Variants in PTPRK observed in about 807,000 individuals in gnomAD.
PTPRK encodes the protein receptor-type tyrosine-protein phosphatase kappa.
Under a neutral mutation model 178.0 loss-of-function variants are expected in PTPRK, and 75 were observed. The observed-to-expected ratio is 0.42, with a 90% CI of 0.35 to 0.51. The LOEUF (loss-of-function observed/expected upper bound fraction) is 0.51, where lower values mean the gene tolerates loss of function less well. Among genes scored for constraint, PTPRK ranks in the 20% least tolerant of loss-of-function variants. The pLI is 0.02. For synonymous variants in PTPRK, 637 were observed against 620.6 expected (o/e 1.03, Z -0.39); for missense variants, 1,441 against 1,797.8 (o/e 0.80, Z 3.59).
At chr6:128,049,596 A>C (rs1423002865) in intron 13 of PTPRK, among the ~76,000 whole-genome samples, 1 of 152,096 alleles carries the variant, frequency 6.6e-6, no homozygotes, top group Non-Finnish European at 1.5e-5. Flanking sequence ...TGGATAAAGC[A>C]TATTTCTAGT....
intron 13 of PTPRK, among the ~76,000 whole-genome samples, chr6:128,048,244 C>G (rs1416923731): frequency 6.6e-6 from 1 of 152,138 alleles, no homozygotes; most frequent in African/African-American, 2.4e-5. Flanking sequence ...GGGCCTCTTT[C>G]CAGGCCCAGT....
intron 1 of PTPRK, among the ~76,000 whole-genome samples, chr6:128,415,040 C>T (rs901042199): frequency 2.0e-5 from 3 of 152,128 alleles, no homozygotes; most frequent in African/African-American, 7.2e-5. Flanking sequence ...GATTCCAAAG[C>T]TTGTATACTT....
intron 7 of PTPRK, among the ~76,000 whole-genome samples, chr6:128,095,375 T>C (rs1036210997): frequency 6.6e-6 from 1 of 152,192 alleles, no homozygotes; most frequent in African/African-American, 2.4e-5. Context: ...TTTTGAAATT[T>C]GTGTTTAGTG....
At chr6:128,228,490 C>CA (rs1173094515) in intron 5 of PTPRK, among the ~76,000 whole-genome samples, 9,288 of 74,978 alleles carry the variant, frequency 0.12, 674 homozygotes, top group East Asian at 0.37. Context: ...ACTAAAAATA[C>CA]AAAAAAAAAA....
chr6:128,470,851 A>G (rs1850554561), intron 1 of PTPRK, among the ~76,000 whole-genome samples: 3 of 151,232 alleles, frequency 2.0e-5, no homozygotes, highest in Non-Finnish European at 4.4e-5. Context: ...AGAAAGGAAA[A>G]AAAAGAAACT....
At chr6:128,200,891 A>AGGAGGGAGGGAG (rs1192559264) in intron 6 of PTPRK, among the ~76,000 whole-genome samples, 35 of 43,996 alleles carry the variant, frequency 8.0e-4, no homozygotes, top group African/African-American at 3.4e-3. Flanking sequence ...AAGGGAGGGA[A>AGGAGGGAGGGAG]GGAGGGAGGG....
intron 1 of PTPRK, among the ~76,000 whole-genome samples, chr6:128,473,757 T>C (rs1851028951): frequency 6.6e-6 from 1 of 152,062 alleles, no homozygotes; most frequent in Non-Finnish European, 1.5e-5. Context: ...AAGACTCAGA[T>C]AACCAGAATC....
chr6:128,038,872 G>A (rs1776682131), intron 13 of PTPRK, among the ~76,000 whole-genome samples: 1 of 152,092 alleles, frequency 6.6e-6, no homozygotes. Flanking sequence ...AACAAGCAGT[G>A]TTATCATTAA....
intron 3 of PTPRK, among the ~76,000 whole-genome samples, chr6:128,265,404 T>C (rs971360305): frequency 6.6e-6 from 1 of 152,154 alleles, no homozygotes; most frequent in Non-Finnish European, 1.5e-5. Context: ...AACAAACACA[T>C]AGATAATACT....
intron 3 of PTPRK, among the ~76,000 whole-genome samples, chr6:128,303,049 A>C (rs1409664351): frequency 1.3e-5 from 2 of 152,192 alleles, no homozygotes; most frequent in African/African-American, 2.4e-5. Flanking sequence ...CGCTTGTACA[A>C]TTAGAAAACC....
intron 1 of PTPRK, among the ~76,000 whole-genome samples, chr6:128,475,712 G>A (rs2128420851): frequency 6.6e-6 from 1 of 152,108 alleles, no homozygotes; most frequent in African/African-American, 2.4e-5. Flanking sequence ...GTACTCCTGG[G>A]CATCACTGTG....
intron 6 of PTPRK, among the ~76,000 whole-genome samples, chr6:128,206,991 T>G (rs1807096730): frequency 6.6e-6 from 1 of 152,314 alleles, no homozygotes; most frequent in South Asian, 2.1e-4. Flanking sequence ...TTTGATATGC[T>G]ACTTGCTTCC....
At chr6:128,194,066 ATTATTATTATTATTAT>A (rs1326380148) in intron 6 of PTPRK, among the ~76,000 whole-genome samples, 1 of 79,370 alleles carries the variant, frequency 1.3e-5, no homozygotes, top group African/African-American at 5.7e-5. Context: ...TTATATATAT[ATTATTATTATTATTAT>A]TATTATTATT....
At chr6:128,325,494 T>A (rs968287567) in intron 2 of PTPRK, among the ~76,000 whole-genome samples, 1 of 151,578 alleles carries the variant, frequency 6.6e-6, no homozygotes, top group South Asian at 2.1e-4. Flanking sequence ...AACAAACCCA[T>A]CAAAAAGTGG....
chr6:127,975,164 T>A (rs1774379087), intron 27 of PTPRK, among the ~76,000 whole-genome samples: 1 of 152,066 alleles, frequency 6.6e-6, no homozygotes, highest in Non-Finnish European at 1.5e-5. Context: ...AACAAATAAA[T>A]AAATATGCTG....
intron 3 of PTPRK, among the ~76,000 whole-genome samples, chr6:128,285,582 A>AGCCACCTGCCTT (rs1164629563): frequency 2.6e-5 from 4 of 151,790 alleles, no homozygotes; most frequent in African/African-American, 9.7e-5. Context: ...AGGCCAAGGC[A>AGCCACCTGCCTT]GGTGGATCAC....
In PTPRK at chr6:128,044,328, C is replaced by T. The variant is rs528247514; in HGVS notation, c.2194+20430G>A. ...AAGTATTAAATACACCCATTTCTCT[C>T]TCATGCCACTTCCACTCCCTTAGTC... On this transcript the variant is annotated intron_variant, in intron 13 of 29. Transcript: ENST00000368226. Among the ~76,000 whole-genome samples, 11 of 152,144 alleles carry T rather than the reference C, an allele frequency of 7.2e-5. 1 individual carries two copies. The highest frequency in any genetic ancestry group is 3.4e-3 in the Middle Eastern group (1 of 294).
chr6:128,447,213 G>T (rs1489396471), intron 1 of PTPRK, among the ~76,000 whole-genome samples: 3 of 152,210 alleles, frequency 2.0e-5, no homozygotes, highest in Non-Finnish European at 4.4e-5. Flanking sequence ...AGCCCTGCCA[G>T]AATGCCAAGA....
chr6:128,152,151 A>C (rs952083604), intron 7 of PTPRK, among the ~76,000 whole-genome samples: 2 of 152,088 alleles, frequency 1.3e-5, no homozygotes, highest in African/African-American at 4.8e-5. Flanking sequence ...GGAAAGAAAC[A>C]GTAATCGTGG....
Sources: allele counts gnomAD v4.1 joint callset (sites outside exome capture counted in the v4.1 genomes callset), GRCh38; gene constraint gnomAD v4.1.1; transcripts MANE v1.5; gene names NCBI Gene and HGNC (gene_info 2026-07-23, HGNC 2026-07-21).